The following LACTBL1 variants were observed in gnomAD, a reference collection of about 807,000 sequenced individuals.
The protein encoded by LACTBL1 is lactamase beta like 1.
A neutral mutation model predicts 39.6 loss-of-function variants in LACTBL1; 29 were observed. The observed-to-expected ratio is 0.73, with a 90% CI of 0.55 to 1.00. The LOEUF is 1.00. LACTBL1 is among the 50% of genes least tolerant of loss of function. LACTBL1 has a pLI of 0.00. For missense variants in LACTBL1, 711 were observed against 748.5 expected (o/e 0.95, Z 0.59); for synonymous variants, 361 against 360.7 (o/e 1.00, Z -0.01).
At chr1:22,954,203 G>T (rs1031965098) in intron 5 of LACTBL1, among the ~76,000 whole-genome samples, 179 bp from the exon 8 acceptor site, 23 of 152,314 alleles carry the variant, frequency 1.5e-4, no homozygotes, top group African/African-American at 5.1e-4. Flanking sequence ...TCTACATCTG[G>T]GAAGACCAAG....
intron 2 of LACTBL1, among the ~76,000 whole-genome samples, chr1:22,961,440 C>T (rs745724526): frequency 2.6e-5 from 4 of 152,040 alleles, no homozygotes; most frequent in Non-Finnish European, 4.4e-5. Context: ...TTCCACTCAC[C>T]GTAAACTCCA....
exon 2 of LACTBL1, chr1:22,963,154 C>T (rs935987173): frequency 1.2e-5 from 15 of 1,302,706 alleles, no homozygotes; most frequent in Non-Finnish European, 1.3e-5. Flanking sequence ...GCCAGGGGCA[C>T]GGGCTCAGGG....
chr1:22,970,039 G>T (rs1171261921), upstream of LACTBL1, among the ~76,000 whole-genome samples: 1 of 152,158 alleles, frequency 6.6e-6, no homozygotes, highest in Non-Finnish European at 1.5e-5. Flanking sequence ...TCCCCTCTCT[G>T]AGCCTCTACT....
At chr1:22,953,067 G>A (rs1570496429) in exon 6 of LACTBL1, 1 of 1,232,158 alleles carries the variant, frequency 8.1e-7, no homozygotes, top group South Asian at 4.1e-5. Flanking sequence ...ACACCGGCTT[G>A]CCCCGCAGCC....
At chr1:22,972,624 T>C in the LACTBL1 span, among the ~76,000 whole-genome samples, 1 of 152,084 alleles carries the variant, frequency 6.6e-6, no homozygotes, top group Admixed American at 6.5e-5. Flanking sequence ...GCACTGAAAG[T>C]CCTGCATTCC....
chr1:22,953,774 C>G (rs1360556602), exon 6 of LACTBL1: 1 of 1,496,808 alleles, frequency 6.7e-7, no homozygotes, highest in East Asian at 2.7e-5. Context: ...TTGGCCAGGT[C>G]GGCGGCGGTA....
At chr1:22,957,864 C>A (rs151338293) in intron 4 of LACTBL1, among the ~76,000 whole-genome samples, 2,294 of 151,858 alleles carry the variant, frequency 0.015, 43 homozygotes, top group African/African-American at 0.05. Flanking sequence ...GTTGGCCAGG[C>A]TGGTCTGGAA....
intron 1 of LACTBL1, among the ~76,000 whole-genome samples, 189 bp from the exon 4 acceptor site, chr1:22,963,405 G>A (rs1640846593): frequency 6.6e-6 from 1 of 152,210 alleles, no homozygotes. Flanking sequence ...TGCCCTTGGG[G>A]AGGAGGCACA....
Position 22,965,273 on chromosome 1 carries a change from G to T in LACTBL1, c.49+17C>A. ...AGGGGGCTATGGGGAGGAACTCAAG[G>T]CTGTCTCTGCACTCACCGGTCTTCA... On this transcript the variant is annotated intron_variant, in intron 1 of 5. Coordinates refer to ENST00000426928, the Ensembl canonical transcript of LACTBL1. 1 of 1,311,628 alleles carries T rather than the reference G, an allele frequency of 7.6e-7. No individual in the cohort carries two copies. The highest frequency in any genetic ancestry group is 9.8e-7 in the Non-Finnish European group (1 of 1,023,464). 81.2% of individuals were successfully genotyped at this position (1,311,628 alleles called of 1,614,324 possible).
chr1:22,959,426 C>T (rs1640795397), intron 3 of LACTBL1, among the ~76,000 whole-genome samples: 1 of 152,240 alleles, frequency 6.6e-6, no homozygotes, highest in Non-Finnish European at 1.5e-5. Flanking sequence ...ATGCAATTCC[C>T]TCAGGACTCC....
upstream of LACTBL1, among the ~76,000 whole-genome samples, chr1:22,968,703 G>T (rs1640908381): frequency 2.0e-5 from 3 of 152,172 alleles, no homozygotes; most frequent in South Asian, 6.2e-4. Context: ...TCTTAGCTCA[G>T]CCACTTACCA....
upstream of LACTBL1, among the ~76,000 whole-genome samples, chr1:22,965,673 C>T (rs150527033): frequency 5.0e-3 from 759 of 152,196 alleles, 1 homozygote; most frequent in Admixed American, 9.9e-3. Flanking sequence ...AGTGAAATAT[C>T]GTAAGACCAG....
At chr1:22,962,096 A>T (rs1396800417) in intron 2 of LACTBL1, among the ~76,000 whole-genome samples, 2 of 152,176 alleles carry the variant, frequency 1.3e-5, no homozygotes, top group Non-Finnish European at 2.9e-5. Context: ...ATAGGGACTC[A>T]TGAGGAATGC....
exon 6 of LACTBL1, chr1:22,954,004 G>T: frequency 6.5e-7 from 1 of 1,540,410 alleles, no homozygotes; most frequent in Non-Finnish European, 8.8e-7. Flanking sequence ...GAGCGAGAAG[G>T]CCAGCGTGCT....
At chr1:22,954,076 G>A in intron 5 of LACTBL1, 52 bp from the exon 8 acceptor site, 3 of 1,465,822 alleles carry the variant, frequency 2.0e-6, no homozygotes, top group South Asian at 2.8e-5. Flanking sequence ...ACCCGCCCGC[G>A]CTGTCTGAAA....
exon 6 of LACTBL1, chr1:22,953,815 C>T: frequency 3.2e-6 from 5 of 1,547,430 alleles, no homozygotes; most frequent in Non-Finnish European, 4.4e-6. Context: ...CCGGTACCAG[C>T]CCAGGTCATA....
chr1:22,957,266 T>G (rs1017744143), intron 4 of LACTBL1, among the ~76,000 whole-genome samples: 1 of 152,210 alleles, frequency 6.6e-6, no homozygotes, highest in Non-Finnish European at 1.5e-5. Flanking sequence ...CCCCTATTGA[T>G]GGACATTTAG....
At chr1:22,960,388 G>A (rs928505796) in intron 2 of LACTBL1, among the ~76,000 whole-genome samples, 2 of 152,140 alleles carry the variant, frequency 1.3e-5, no homozygotes, top group Non-Finnish European at 2.9e-5. Flanking sequence ...AGCCAAGGCG[G>A]GCAGATCACC....
chr1:22,956,865 A>C (rs950036439), intron 4 of LACTBL1, among the ~76,000 whole-genome samples: 5 of 152,060 alleles, frequency 3.3e-5, no homozygotes, highest in African/African-American at 1.2e-4. Context: ...TACATGATTT[A>C]AGATTCAAAG....
Sources: allele counts gnomAD v4.1 joint callset (sites outside exome capture counted in the v4.1 genomes callset), GRCh38; gene constraint gnomAD v4.1.1; transcripts MANE v1.5; gene names NCBI Gene and HGNC (gene_info 2026-07-23, HGNC 2026-07-21).